Variants in INVS observed in about 807,000 individuals in gnomAD.
The protein encoded by INVS is inversin.
In INVS, 86 loss-of-function variants were observed where a neutral mutation model predicts 108.8. That is an observed-to-expected ratio of 0.79 (90% confidence interval 0.66 to 0.95). The LOEUF (loss-of-function observed/expected upper bound fraction) is 0.95. Ranked by LOEUF, INVS falls within the 40% of genes least tolerant of loss-of-function variation. The pLI is 0.00. For synonymous variants in INVS, 455 were observed against 473.5 expected, an observed-to-expected ratio of 0.96 and a Z score of 0.51; for missense variants, 1,169 against 1,297.4, an observed-to-expected ratio of 0.90 and a Z score of 1.52.
intron 3 of INVS, among the ~76,000 whole-genome samples, chr9:100,128,189 T>C (rs2118901225): frequency 6.6e-6 from 1 of 152,356 alleles, no homozygotes; most frequent in East Asian, 1.9e-4. Flanking sequence ...TGTAATCTTT[T>C]CATCAGATAC....
intron 16 of INVS, among the ~76,000 whole-genome samples, chr9:100,298,498 G>GGA (rs1833856774): frequency 6.6e-6 from 1 of 152,104 alleles, no homozygotes; most frequent in Non-Finnish European, 1.5e-5. Flanking sequence ...AGACAAGAGT[G>GGA]TTTTACTTAG....
At chr9:100,165,638 G>A (rs1031689001) in intron 3 of INVS, among the ~76,000 whole-genome samples, 2 of 151,846 alleles carry the variant, frequency 1.3e-5, no homozygotes, top group East Asian at 1.9e-4. Flanking sequence ...TATGAACAAG[G>A]CCTAGAATTT....
At chr9:100,243,473 G>C (rs1466297230) in intron 7 of INVS, among the ~76,000 whole-genome samples, 2 of 152,146 alleles carry the variant, frequency 1.3e-5, no homozygotes, top group Non-Finnish European at 2.9e-5. Context: ...TTATACGTCT[G>C]AGAATGCAAA....
intron 16 of INVS, among the ~76,000 whole-genome samples, chr9:100,299,359 C>A (rs1023079919): frequency 3.3e-5 from 5 of 152,010 alleles, no homozygotes; most frequent in Non-Finnish European, 5.9e-5. Flanking sequence ...CCCCCACCCC[C>A]GAGGTTTTAG....
chr9:100,198,251 A>G (rs541799942), intron 3 of INVS, among the ~76,000 whole-genome samples: 2 of 115,768 alleles, frequency 1.7e-5, no homozygotes, highest in African/African-American at 6.7e-5. Flanking sequence ...ACATTTGAAG[A>G]TTGAGGGCTA....
intron 3 of INVS, among the ~76,000 whole-genome samples, chr9:100,209,128 T>C (rs1830758917): frequency 6.6e-6 from 1 of 152,112 alleles, no homozygotes; most frequent in Non-Finnish European, 1.5e-5. Context: ...CGAACATCAA[T>C]ATGCTAGGAA....
chr9:100,133,319 A>T (rs919866386), intron 3 of INVS, among the ~76,000 whole-genome samples: 22 of 151,606 alleles, frequency 1.5e-4, no homozygotes, highest in African/African-American at 5.1e-4. Context: ...TCCCATGCAT[A>T]TGTTTCTACC....
rs939073686 is a variant in INVS at position 100,246,043 on chromosome 9, C to T, written c.907-573C>T. Among the ~76,000 whole-genome samples the T allele has an allele frequency of 4.0e-5, 6 of 151,764 alleles. No individual in the cohort carries two copies. In the South Asian group the frequency reaches 8.3e-4, roughly 21 times the overall value. On this transcript the variant is annotated intron_variant, in intron 7 of 16. Transcript: ENST00000262457. Reference sequence around the variant, plus strand: ...AGCCGGGTGTGATGACACTCAGCTACTTGGGAGGCTGAGGCAGGAGAATCA... The same window carrying T: ...AGCCGGGTGTGATGACACTCAGCTATTTGGGAGGCTGAGGCAGGAGAATCA...
In INVS at chr9:100,117,460, C is replaced by G; in HGVS notation, c.107-8923C>G. On this transcript the variant is annotated intron_variant, in intron 2 of 16. Transcript: ENST00000262457. ...CCAGCTTGGTGACGGGCATGCACTC[C>G]TTATCCTCGGCCTTGCCTTCTCGAG... is the stretch of plus-strand genomic sequence containing the variant. 3.8e-6 allele frequency: 3 copies of G among 787,536 alleles called. No individual in the cohort carries two copies. The East Asian group carries it at 7.3e-5, about 19-fold the overall frequency. The allele number at this position is 787,536 out of a possible 1,614,324, so 48.8% of individuals were successfully genotyped here.
chr9:100,161,115 C>T (rs1315006734), intron 3 of INVS, among the ~76,000 whole-genome samples: 2 of 145,068 alleles, frequency 1.4e-5, no homozygotes, highest in Non-Finnish European at 3.2e-5. Flanking sequence ...TCCCAGCACG[C>T]CTGTAATCCC....
At chr9:100,223,786 A>G (rs995169665) in intron 3 of INVS, among the ~76,000 whole-genome samples, 5 of 152,254 alleles carry the variant, frequency 3.3e-5, no homozygotes, top group African/African-American at 1.2e-4. Flanking sequence ...GACAGTCTAC[A>G]GATCCTCTTT....
At chr9:100,284,063 T>G (rs1352437011) in intron 12 of INVS, among the ~76,000 whole-genome samples, 1 of 152,208 alleles carries the variant, frequency 6.6e-6, no homozygotes, top group African/African-American at 2.4e-5. Flanking sequence ...AAAAGTTGCC[T>G]GGTTATCTGT....
chr9:100,245,627 TA>T (rs1231949383), intron 7 of INVS, among the ~76,000 whole-genome samples: 1 of 152,174 alleles, frequency 6.6e-6, no homozygotes. Flanking sequence ...AATTCAGTAA[TA>T]AAGGAATTGC....
At chr9:100,133,804 C>CACACACACACACACACACAT in intron 3 of INVS, among the ~76,000 whole-genome samples, 1 of 143,634 alleles carries the variant, frequency 7.0e-6, no homozygotes, top group Admixed American at 6.8e-5. Context: ...CACACACACA[C>CACACACACACACACACACAT]ATACACACAT....
intron 3 of INVS, among the ~76,000 whole-genome samples, chr9:100,159,516 A>G (rs1829102401): frequency 1.3e-5 from 2 of 152,304 alleles, no homozygotes; most frequent in South Asian, 4.1e-4. Context: ...CTATTCCTGG[A>G]ACATTGCTTT....
At chr9:100,115,428 A>G (rs1827483343) in intron 2 of INVS, among the ~76,000 whole-genome samples, 1 of 152,068 alleles carries the variant, frequency 6.6e-6, no homozygotes, top group Non-Finnish European at 1.5e-5. Context: ...TACATTAGGT[A>G]TATCTCCTAA....
In INVS at chr9:100,284,367, G is replaced by A. The variant is rs778225066; in HGVS notation, c.1832G>A (p.Gly611Glu). The A allele has an allele frequency of 6.2e-7, 1 of 1,613,688 alleles. No individual in the cohort carries two copies. The highest frequency in any genetic ancestry group is 8.5e-7 in the Non-Finnish European group (1 of 1,180,048). ...CGAAAAGAGGCAGAACAGCAAAAAGGAAGGCGGAGCCCAGATTCCTGCAGA... is the reference window on the plus strand; with the variant it reads ...CGAAAAGAGGCAGAACAGCAAAAAGAAAGGCGGAGCCCAGATTCCTGCAGA... ...NKRKEAEQQKGRRSPDSCRPQ... is the reference protein window; with the variant it reads ...NKRKEAEQQKERRSPDSCRPQ... Residue 611 changes from glycine to glutamate, a missense_variant, in exon 13 of 17, where the codon GGA (glycine) becomes GAA (glutamate). Physicochemically the swap from Gly to Glu is moderately conservative, Grantham distance 98. Transcript: ENST00000262457.
At chr9:100,240,005 T>C in intron 5 of INVS, 55 bp from the exon 6 acceptor site, 1 of 1,451,506 alleles carries the variant, frequency 6.9e-7, no homozygotes, top group Non-Finnish European at 9.7e-7. Context: ...TTACACCAAA[T>C]GTAATTTATT....
At chr9:100,250,020 G>A (rs1352702741) in intron 8 of INVS, among the ~76,000 whole-genome samples, 8 of 151,720 alleles carry the variant, frequency 5.3e-5, no homozygotes, top group African/African-American at 1.9e-4. Context: ...CAGAAGAATC[G>A]TTTGAACCTG....
Sources: gnomAD v4.1 joint callset for allele counts (sites outside exome capture counted in the v4.1 genomes callset) on GRCh38, gnomAD v4.1.1 for gene constraint, MANE v1.5 for transcripts, NCBI Gene and HGNC (gene_info 2026-07-23, HGNC 2026-07-21) for gene names.